The following CCDC68 variants were observed in gnomAD, a reference collection of about 807,000 sequenced individuals.
CCDC68 encodes the protein coiled-coil domain containing 68, also known as coiled-coil domain-containing protein 68.
CCDC68 carries 45 observed loss-of-function variants against 47.1 expected under a neutral mutation model. That is an observed-to-expected ratio of 0.96 (90% CI 0.75 to 1.23). The LOEUF (loss-of-function observed/expected upper bound fraction) is 1.23, where lower values mean the gene tolerates loss of function less well. Among genes scored for constraint, CCDC68 ranks in the 50% most tolerant of loss-of-function variants. The pLI is 0.00. For synonymous variants in CCDC68, 131 were observed against 129.5 expected, an observed-to-expected ratio of 1.01 and a Z score of -0.08; for missense variants, 353 against 373.6, an observed-to-expected ratio of 0.94 and a Z score of 0.45.
chr18:54,917,792 C>T, intron 10 of CCDC68, 121 bp downstream of exon 10: 1 of 676,956 alleles, frequency 1.5e-6, no homozygotes, highest in Non-Finnish European at 2.6e-6. Context: ...GCATACAATG[C>T]ATGCTTTCAT....
chr18:54,918,351 C>G (rs2043991334), intron 9 of CCDC68, among the ~76,000 whole-genome samples: 1 of 152,156 alleles, frequency 6.6e-6, no homozygotes, highest in South Asian at 2.1e-4. Flanking sequence ...GATGCGAGAC[C>G]ACTGCCTGGT....
rs1038528075 is a variant in CCDC68, at chr18:54,917,790, T to C, written c.873+123A>G. ...CTCGTAGTGTTATACAGGCATACAA[T>C]GCATGCTTTCATACACAGGCTCACT... is the stretch of plus-strand genomic sequence containing the variant. On this transcript the variant is annotated intron_variant, in intron 10 of 11. Coordinates refer to ENST00000591504, the MANE Select transcript of CCDC68 (RefSeq NM_025214.3). 1.8e-5 allele frequency: 12 copies of C among 674,884 alleles called. No homozygotes were observed. In the African/African-American group the frequency reaches 2.2e-4, roughly 12 times the overall value. The allele number at this position is 674,884 out of a possible 1,614,324, so 41.8% of individuals were successfully genotyped here. A position where few individuals can be genotyped will look rare whatever the true frequency, so the allele number is the denominator to read the frequency against.
Position 54,904,227 on chromosome 18 carries a change from A to T in CCDC68, c.*131T>A. The T allele has an allele frequency of 1.5e-6, 1 of 658,460 alleles. No individual in the cohort carries two copies. The highest frequency in any genetic ancestry group is 2.7e-6 in the Non-Finnish European group (1 of 373,864). The allele number at this position is 658,460 out of a possible 1,614,324, so 40.8% of individuals were successfully genotyped here. A position where few individuals can be genotyped will look rare whatever the true frequency, so the allele number is the denominator to read the frequency against. On this transcript the variant is annotated 3_prime_UTR_variant, in exon 12 of 12. Transcript: ENST00000591504. ...TTTTCTGAAATGTCATCTTCTTGCA[A>T]AGCCATTGGTATGTAATAAGTTCCA... is the stretch of plus-strand genomic sequence containing the variant.
At chr18:54,957,609 G>T (rs2044734790) in intron 1 of CCDC68, among the ~76,000 whole-genome samples, 1 of 127,532 alleles carries the variant, frequency 7.8e-6, no homozygotes, top group Admixed American at 8.7e-5. Flanking sequence ...CTAAAACAAT[G>T]TACACACACA....
At chr18:54,924,571 C>A (rs969626464) in intron 8 of CCDC68, among the ~76,000 whole-genome samples, 2 of 152,226 alleles carry the variant, frequency 1.3e-5, no homozygotes, top group Non-Finnish European at 2.9e-5. Flanking sequence ...GAAGAGACAA[C>A]TATTTCTGGT....
chr18:54,942,587 A>G lies in CCDC68; in HGVS notation c.117+88T>C. 6 of 788,024 alleles carry G rather than the reference A, an allele frequency of 7.6e-6. No homozygotes were observed. The East Asian group carries it at 7.7e-5, about 10-fold the overall frequency. 48.8% of individuals were successfully genotyped at this position (788,024 alleles called of 1,614,324 possible). ...AGGGTTGTTCCTTTACATATGTTCT[A>G]TGGAGAGGGAAACAAAATCCTCCAG... is the stretch of plus-strand genomic sequence containing the variant. On this transcript the variant is annotated intron_variant, in intron 3 of 11. Coordinates refer to ENST00000591504, the MANE Select transcript of CCDC68 (RefSeq NM_025214.3).
chr18:54,926,527 C>A (rs2044147883), intron 8 of CCDC68, among the ~76,000 whole-genome samples: 2 of 152,176 alleles, frequency 1.3e-5, no homozygotes, highest in African/African-American at 4.8e-5. Flanking sequence ...AGATTCTCAT[C>A]TTTTCGGGTG....
At chr18:54,937,822 T>C (rs914683481) in intron 5 of CCDC68, 135 bp downstream of exon 5, 4 of 560,092 alleles carry the variant, frequency 7.1e-6, no homozygotes, top group Non-Finnish European at 1.2e-5. Context: ...TGCTTCTCTA[T>C]GTAAGTGAGC....
intron 3 of CCDC68, among the ~76,000 whole-genome samples, chr18:54,941,608 A>C (rs1041686253): frequency 6.6e-6 from 1 of 152,162 alleles, no homozygotes; most frequent in Non-Finnish European, 1.5e-5. Flanking sequence ...AAGACACTCA[A>C]AGATGATGGA....
In CCDC68 at chr18:54,918,007, G is replaced by T; in HGVS notation, c.790-11C>A. The T allele has an allele frequency of 8.1e-7, 1 of 1,238,878 alleles. No individual in the cohort carries two copies. Among genetic ancestry groups the T allele is most frequent in the South Asian group, 1.3e-5 (1 of 77,244 alleles). 76.7% of individuals were successfully genotyped at this position (1,238,878 alleles called of 1,614,324 possible). Reference sequence around the variant, plus strand: ...TTTTAATCCTTCCATCTAAGAATTAGAAAACACAATAGGAAAAACCTTGTC... The same window carrying T: ...TTTTAATCCTTCCATCTAAGAATTATAAAACACAATAGGAAAAACCTTGTC... On this transcript the variant is annotated splice_polypyrimidine_tract_variant and intron_variant, in intron 9 of 11. Coordinates refer to ENST00000591504, the MANE Select transcript of CCDC68 (RefSeq NM_025214.3).
At chr18:54,911,860 ACT>A (rs1914388913) in intron 10 of CCDC68, among the ~76,000 whole-genome samples, 1 of 152,082 alleles carries the variant, frequency 6.6e-6, no homozygotes, top group African/African-American at 2.4e-5. Context: ...ATTATGTTAG[ACT>A]CTCTTCAATT....
At chr18:54,911,080 A>G (rs1459437414) in intron 10 of CCDC68, among the ~76,000 whole-genome samples, 3 of 151,836 alleles carry the variant, frequency 2.0e-5, no homozygotes, top group Non-Finnish European at 4.4e-5. Flanking sequence ...ATGGCAATAG[A>G]CCCTCCAGAT....
chr18:54,906,961 C>T lies in CCDC68; in HGVS notation c.950+825G>A, dbSNP rs192922081. Among the ~76,000 whole-genome samples, 4 of 152,302 alleles carry T rather than the reference C, an allele frequency of 2.6e-5. No individual in the cohort carries two copies. The East Asian group carries it at 7.7e-4, about 29-fold the overall frequency. ...ATCTTCCTGAATTCCTAGACTGATG[C>T]TAATCATAGTGGGTCTGATTTTTCC... is the stretch of plus-strand genomic sequence containing the variant. On this transcript the variant is annotated intron_variant, in intron 11 of 11. Coordinates refer to ENST00000591504, the MANE Select transcript of CCDC68 (RefSeq NM_025214.3).
intron 1 of CCDC68, among the ~76,000 whole-genome samples, chr18:54,951,241 T>C (rs1181218541): frequency 6.6e-6 from 1 of 152,170 alleles, no homozygotes; most frequent in Non-Finnish European, 1.5e-5. Flanking sequence ...TCTATCCTCA[T>C]AGTTCACTGG....
Position 54,936,885 on chromosome 18 carries a change from G to T in CCDC68, c.419C>A (p.Thr140Lys), listed in dbSNP as rs145708086. 1 of 1,614,046 alleles carries T rather than the reference G, an allele frequency of 6.2e-7. No individual in the cohort carries two copies. The highest frequency in any genetic ancestry group is 8.5e-7 in the Non-Finnish European group (1 of 1,179,942). The change falls in exon 6 of 12, where the codon ACG becomes AAG. Residue 140 changes from threonine (T) to lysine (K), a missense_variant. Thr to Lys is a moderately conservative substitution (Grantham distance 78). Transcript: ENST00000591504. ...CTTCTTTCTCACTTCTTCAGATTGC[G>T]TTTGGTAGTTTTCAAATAATCTCTG... ...VAQRLFENYQ[T>K]QSEEVRKKQE...
chr18:54,903,458 TCAGATTCTTTCTGGCTG>T lies in CCDC68; in HGVS notation c.*883_*899del, dbSNP rs1202004011. 1.3e-5 allele frequency: 2 copies of T among 152,200 alleles called. No individual in the cohort carries two copies. The highest frequency in any genetic ancestry group is 2.9e-5 in the Non-Finnish European group (2 of 68,036). 9.4% of individuals were successfully genotyped at this position (152,200 alleles called of 1,614,324 possible). ...ATATATATCTTTCCAATTCATAAAT[TCAGATTCTTTCTGGCTG>T]CAGACAGCAGTCATTATTCCTTTGA... On this transcript the variant is annotated 3_prime_UTR_variant, in exon 12 of 12. Transcript: ENST00000591504.
At position 54,913,914 on chromosome 18, in the gene CCDC68, T is replaced by G. The variant is rs1027878950; in HGVS notation, c.873+3999A>C. 5.3e-5 allele frequency among the ~76,000 whole-genome samples: 8 copies of G among 152,374 alleles called. No homozygotes were observed. The East Asian group carries it at 1.5e-3, about 29-fold the overall frequency. Reference sequence around the variant, plus strand: ...AGGTATTTGGATACCTGGTCCAACATGTGCTCAGGGATGCCCTCCCTAATC... The same window carrying G: ...AGGTATTTGGATACCTGGTCCAACAGGTGCTCAGGGATGCCCTCCCTAATC... On this transcript the variant is annotated intron_variant, in intron 10 of 11. Transcript: ENST00000591504.
intron 8 of CCDC68, among the ~76,000 whole-genome samples, 172 bp from the exon 9 acceptor site, chr18:54,919,548 G>A (rs1254335606): frequency 6.6e-6 from 1 of 152,212 alleles, no homozygotes; most frequent in African/African-American, 2.4e-5. Flanking sequence ...TAGCTATGAA[G>A]CGGGCTCTAA....
At chr18:54,952,658 A>G (rs957064490) in intron 1 of CCDC68, among the ~76,000 whole-genome samples, 1 of 152,248 alleles carries the variant, frequency 6.6e-6, no homozygotes, top group African/African-American at 2.4e-5. Context: ...ACAAATGTTC[A>G]TAATTGCCAA....
Sources: allele counts gnomAD v4.1 joint callset (sites outside exome capture counted in the v4.1 genomes callset), GRCh38; gene constraint gnomAD v4.1.1; transcripts MANE v1.5; gene names NCBI Gene and HGNC (gene_info 2026-07-23, HGNC 2026-07-21).